CSNK1G3: variants seen among roughly 807,000 people sequenced by gnomAD.
CSNK1G3 encodes casein kinase I isoform gamma-3.
In CSNK1G3, 23 loss-of-function variants were observed where a neutral mutation model predicts 64.3. That is an observed-to-expected ratio of 0.36 (90% CI 0.26 to 0.51). The LOEUF (loss-of-function observed/expected upper bound fraction) is 0.51. Among genes scored for constraint, CSNK1G3 ranks in the 20% least tolerant of loss-of-function variants. CSNK1G3 has a pLI of 0.96. For missense variants in CSNK1G3, 357 were observed against 510.5 expected, an observed-to-expected ratio of 0.70 and a Z score of 2.90; for synonymous variants, 158 against 162.2, an observed-to-expected ratio of 0.97 and a Z score of 0.20.
chr5:123,590,050 T>C (rs891305790), intron 8 of CSNK1G3, among the ~76,000 whole-genome samples: 2 of 152,158 alleles, frequency 1.3e-5, no homozygotes, highest in East Asian at 3.8e-4. Context: ...ATTTTAAATT[T>C]ATAAACTGAA....
intron 11 of CSNK1G3, 90 bp downstream of exon 12, chr5:123,604,920 A>T (rs1581421803): frequency 6.7e-6 from 7 of 1,046,828 alleles, no homozygotes; most frequent in Middle Eastern, 2.8e-4. Flanking sequence ...ATTTCAGGAA[A>T]TTTTTTTCAG....
chr5:123,576,943 CAG>C (rs1050084859), intron 6 of CSNK1G3, among the ~76,000 whole-genome samples: 2 of 152,064 alleles, frequency 1.3e-5, no homozygotes, highest in African/African-American at 4.8e-5. Context: ...ATTCTAATGT[CAG>C]CAGAAGCTTT....
At chr5:123,515,565 G>C (rs1776999882) in intron 1 of CSNK1G3, among the ~76,000 whole-genome samples, 1 of 152,114 alleles carries the variant, frequency 6.6e-6, no homozygotes, top group African/African-American at 2.4e-5. Context: ...TAACGTGTGT[G>C]AGGTTTTTAA....
At chr5:123,586,540 T>A (rs1288071272) in intron 6 of CSNK1G3, among the ~76,000 whole-genome samples, 1 of 152,156 alleles carries the variant, frequency 6.6e-6, no homozygotes. Context: ...TTACATTTTA[T>A]AATAAAAAGT....
intron 2 of CSNK1G3, among the ~76,000 whole-genome samples, chr5:123,550,364 G>A (rs1351570384): frequency 6.6e-6 from 1 of 152,176 alleles, no homozygotes; most frequent in Non-Finnish European, 1.5e-5. Flanking sequence ...AGGGGCAGGA[G>A]CATATACATT....
Position 123,540,604 on chromosome 5 carries a change from A to C in CSNK1G3, c.-247-4813A>C, listed in dbSNP as rs1311674785. Among the ~76,000 whole-genome samples the C allele has an allele frequency of 2.0e-5, 3 of 151,906 alleles. No individual in the cohort carries two copies. In the South Asian group the frequency reaches 6.2e-4, roughly 31 times the overall value. ...TTTTCAAATTTTGGGACTCTTCTAG[A>C]TGCTATACAGCTGTCGATTTCTAAT... On this transcript the variant is annotated intron_variant, in intron 1 of 12. Coordinates refer to ENST00000345990, the Ensembl canonical transcript of CSNK1G3.
chr5:123,513,195 G>A (rs766005884), intron 1 of CSNK1G3, among the ~76,000 whole-genome samples: 2 of 152,296 alleles, frequency 1.3e-5, no homozygotes, highest in East Asian at 3.9e-4. Flanking sequence ...AAATCACTCT[G>A]ATGGTTACTC....
At chr5:123,546,048 C>T (rs1782462161) in intron 2 of CSNK1G3, 3 of 484,598 alleles carry the variant, frequency 6.2e-6, no homozygotes, top group Non-Finnish European at 1.1e-5. Context: ...TTTAGCCATC[C>T]AGAGATTGAC....
chr5:123,540,411 C>T (rs958395690), intron 1 of CSNK1G3, among the ~76,000 whole-genome samples: 1 of 152,040 alleles, frequency 6.6e-6, no homozygotes, highest in Admixed American at 6.6e-5. Context: ...GCTCTTTTCT[C>T]TAGCTATTTT....
chr5:123,515,714 T>C (rs1777029055), intron 1 of CSNK1G3, among the ~76,000 whole-genome samples: 1 of 152,194 alleles, frequency 6.6e-6, no homozygotes, highest in Non-Finnish European at 1.5e-5. Context: ...AGTTTTTTTT[T>C]CTTCTCCTAA....
chr5:123,595,233 TTTG>T, intron 10 of CSNK1G3, 99 bp downstream of exon 11: 1 of 1,116,860 alleles, frequency 9.0e-7, no homozygotes, highest in Non-Finnish European at 1.3e-6. Context: ...TAATGGAAAA[TTTG>T]TTGCTGAACT....
intron 6 of CSNK1G3, among the ~76,000 whole-genome samples, chr5:123,586,410 C>A (rs551608047): frequency 2.0e-5 from 3 of 152,284 alleles, no homozygotes; most frequent in Non-Finnish European, 4.4e-5. Flanking sequence ...GTAAAATTTT[C>A]GTTATAAAAG....
chr5:123,530,886 T>G (rs1779813344), intron 1 of CSNK1G3, among the ~76,000 whole-genome samples: 1 of 152,178 alleles, frequency 6.6e-6, no homozygotes, highest in Admixed American at 6.5e-5. Context: ...TATTCTTTTC[T>G]TAGACAACCA....
chr5:123,579,780 G>A (rs1448569341), intron 6 of CSNK1G3, among the ~76,000 whole-genome samples: 2 of 151,904 alleles, frequency 1.3e-5, no homozygotes, highest in Non-Finnish European at 2.9e-5. Context: ...AAATAAAAAT[G>A]TATTTATTTG....
chr5:123,580,076 G>C (rs1789958853), intron 6 of CSNK1G3, among the ~76,000 whole-genome samples: 1 of 151,956 alleles, frequency 6.6e-6, no homozygotes, highest in Non-Finnish European at 1.5e-5. Flanking sequence ...GTCAGGAAGA[G>C]ATAAAGAAGG....
chr5:123,588,267 A>G, intron 7 of CSNK1G3, 114 bp downstream of exon 7: 1 of 1,040,684 alleles, frequency 9.6e-7, no homozygotes, highest in Non-Finnish European at 1.5e-6. Flanking sequence ...AGTAGGCATC[A>G]GGGCTCCCTG....
At chr5:123,597,340 T>C (rs1043679227) in intron 10 of CSNK1G3, among the ~76,000 whole-genome samples, 8 of 152,132 alleles carry the variant, frequency 5.3e-5, no homozygotes, top group Non-Finnish European at 1.2e-4. Flanking sequence ...TGTCATCAAA[T>C]AGTTTTTTTA....
intron 1 of CSNK1G3, among the ~76,000 whole-genome samples, chr5:123,513,260 G>C (rs1452690761): frequency 6.6e-6 from 1 of 152,190 alleles, no homozygotes; most frequent in Non-Finnish European, 1.5e-5. Context: ...ACACTGAGAA[G>C]CATCGGGTCT....
chr5:123,526,538 A>G (rs1246674930), intron 1 of CSNK1G3, among the ~76,000 whole-genome samples: 1 of 152,188 alleles, frequency 6.6e-6, no homozygotes, highest in Non-Finnish European at 1.5e-5. Context: ...TCAAAACACA[A>G]AAACAGTTCT....
Sources: allele counts gnomAD v4.1 joint callset (sites outside exome capture counted in the v4.1 genomes callset), GRCh38; gene constraint gnomAD v4.1.1; transcripts MANE v1.5; gene names NCBI Gene and HGNC (gene_info 2026-07-23, HGNC 2026-07-21).